Variants in PSMG2 observed in about 807,000 individuals in gnomAD.
PSMG2 encodes the protein CD40 ligand-activated specific transcript 3.
PSMG2 carries 21 observed loss-of-function variants against 31.5 expected under a neutral mutation model. That is an observed-to-expected ratio of 0.67 (90% CI 0.47 to 0.96). The LOEUF (loss-of-function observed/expected upper bound fraction) is 0.96. Among genes scored for constraint, PSMG2 ranks in the 40% least tolerant of loss-of-function variants. The pLI, the probability that PSMG2 is intolerant of heterozygous loss-of-function variation, is 0.00. For synonymous variants in PSMG2, 120 were observed against 110.4 expected, an observed-to-expected ratio of 1.09 and a Z score of -0.54; for missense variants, 318 against 321.2, an observed-to-expected ratio of 0.99 and a Z score of 0.08.
rs1197150712 is a variant in PSMG2 at position 12,706,571 on chromosome 18, G to A, written c.79G>A (p.Val27Ile). The A allele has an allele frequency of 2.5e-6, 4 of 1,613,974 alleles. No individual in the cohort carries two copies. Among genetic ancestry groups the A allele is most frequent in the Non-Finnish European group, 3.4e-6 (4 of 1,179,998 alleles). Residue 27 changes from valine (V) to isoleucine (I), a missense_variant, in exon 2 of 7, where the codon GTT (valine) becomes ATT (isoleucine). Coordinates refer to ENST00000317615, the MANE Select transcript of PSMG2 (RefSeq NM_020232.5). ...TCAGCCAGCAGTATCTGTTGGAAAT[G>A]TTGGCCAGCTTGCAATGGATCTGAT... ...LLMPAVSVGN[V>I]GQLAMDLIIS...
At chr18:12,717,338 T>C (rs564585002) in intron 3 of PSMG2, among the ~76,000 whole-genome samples, 1 of 152,296 alleles carries the variant, frequency 6.6e-6, no homozygotes, top group African/African-American at 2.4e-5. Context: ...TTAAATTTTA[T>C]TGAGTAGTTA....
intron 1 of PSMG2, among the ~76,000 whole-genome samples, chr18:12,687,377 C>T (rs1462983959): frequency 6.6e-6 from 1 of 151,578 alleles, no homozygotes; most frequent in Non-Finnish European, 1.5e-5. Flanking sequence ...TGAGAAAGAT[C>T]ATTAATTTTT....
At chr18:12,667,302 TAA>T (rs2038822483) in intron 1 of PSMG2, among the ~76,000 whole-genome samples, 1 of 152,062 alleles carries the variant, frequency 6.6e-6, no homozygotes, top group South Asian at 2.1e-4. Flanking sequence ...AAAAAAATTT[TAA>T]AAGTTAGCTG....
rs749896011 is a variant in PSMG2, at chr18:12,720,498, G to T, written c.408-12G>T. 7 of 1,558,442 alleles carry T rather than the reference G, an allele frequency of 4.5e-6. No homozygotes were observed. In the Admixed American group the frequency reaches 8.4e-5, roughly 19 times the overall value. On this transcript the variant is annotated splice_polypyrimidine_tract_variant and intron_variant, in intron 4 of 6. Transcript: ENST00000317615. ...AGAGTTTTTAAAAAGTTAACTATATGATTATTTCTAGTACTCCCTTCCGGT... is the reference window on the plus strand; with the variant it reads ...AGAGTTTTTAAAAAGTTAACTATATTATTATTTCTAGTACTCCCTTCCGGT...
At chr18:12,673,709 G>A (rs1318059316) in intron 1 of PSMG2, among the ~76,000 whole-genome samples, 3 of 151,854 alleles carry the variant, frequency 2.0e-5, no homozygotes, top group East Asian at 3.9e-4. Flanking sequence ...GTGAAACCCC[G>A]CCTCTACTAA....
intron 1 of PSMG2, among the ~76,000 whole-genome samples, chr18:12,692,523 C>T (rs2039805547): frequency 6.6e-6 from 1 of 151,462 alleles, no homozygotes; most frequent in African/African-American, 2.4e-5. Context: ...AAGCTCAGCC[C>T]CAATCTTTGC....
Position 12,725,430 on chromosome 18 carries a change from C to A in PSMG2, c.703-9C>A. The A allele has an allele frequency of 6.5e-7, 1 of 1,549,780 alleles. No individual in the cohort carries two copies. Among genetic ancestry groups the A allele is most frequent in the Non-Finnish European group, 8.9e-7 (1 of 1,128,894 alleles). On this transcript the variant is annotated splice_polypyrimidine_tract_variant and intron_variant, in intron 6 of 6. Transcript: ENST00000317615. ...TTAAAGATTAAAATATTTTGTTCTT[C>A]AATTACAGAGCGATGACCCCACAGT...
chr18:12,724,495 G>C lies in PSMG2; in HGVS notation c.582-4G>C, dbSNP rs762638670. On this transcript the variant is annotated splice_region_variant and splice_polypyrimidine_tract_variant and intron_variant, in intron 5 of 6. Transcript: ENST00000317615. Reference sequence around the variant, plus strand: ...ATACTGATTCTTATTTTTATTTCTTGTAGCTGTTCTAAAGAAATCCAAATG... The same window carrying C: ...ATACTGATTCTTATTTTTATTTCTTCTAGCTGTTCTAAAGAAATCCAAATG... 6.3e-7 allele frequency: 1 copy of C among 1,592,326 alleles called. No homozygotes were observed. Among genetic ancestry groups the C allele is most frequent in the South Asian group, 1.1e-5 (1 of 87,304 alleles).
intron 5 of PSMG2, among the ~76,000 whole-genome samples, chr18:12,722,997 G>A (rs971143971): frequency 1.4e-4 from 22 of 152,378 alleles, no homozygotes; most frequent in Middle Eastern, 3.4e-3. Context: ...TCCATACAAA[G>A]ATTGAGAGCC....
chr18:12,673,111 T>C, intron 1 of PSMG2: 1 of 1,051,172 alleles, frequency 9.5e-7, no homozygotes, highest in African/African-American at 1.7e-5. Context: ...GTAAACAAAG[T>C]AGCATTTATT....
intron 1 of PSMG2, chr18:12,695,111 A>G: frequency 2.3e-6 from 1 of 443,874 alleles, no homozygotes; most frequent in Non-Finnish European, 4.1e-6. Context: ...TTTCTTCCTC[A>G]TCCTTTTTGT....
intron 6 of PSMG2, among the ~76,000 whole-genome samples, chr18:12,725,218 T>C (rs1265284074): frequency 6.6e-6 from 1 of 152,186 alleles, no homozygotes; most frequent in Non-Finnish European, 1.5e-5. Context: ...CCTAATAAAC[T>C]TCATCTACAG....
chr18:12,672,994 A>C lies in PSMG2; in HGVS notation c.-37+14221A>C, dbSNP rs1031146596. 4.0e-6 allele frequency: 4 copies of C among 992,500 alleles called. No individual in the cohort carries two copies. In the African/African-American group the frequency reaches 7.0e-5, roughly 17 times the overall value. 61.5% of individuals were successfully genotyped at this position (992,500 alleles called of 1,614,324 possible). On this transcript the variant is annotated intron_variant, in intron 1 of 6. Transcript: ENST00000585331. ...TTAACCTGTGAAAAGTAATGATCATACTGATTTGTCTAGGGCTCAAACCCT... is the reference window on the plus strand; with the variant it reads ...TTAACCTGTGAAAAGTAATGATCATCCTGATTTGTCTAGGGCTCAAACCCT...
chr18:12,697,182 T>C lies in PSMG2; in HGVS notation c.-36-9368T>C, dbSNP rs201209891. ...ATAAAATATATTTACAAATGAACTG[T>C]GGCTATAAAAAGGTTAACAATGATA... On this transcript the variant is annotated intron_variant, in intron 1 of 6. Coordinates refer to the PSMG2 transcript ENST00000585331. 1.7e-5 allele frequency: 22 copies of C among 1,271,698 alleles called. No individual in the cohort carries two copies. In the East Asian group the frequency reaches 5.3e-4, roughly 31 times the overall value. The allele number at this position is 1,271,698 out of a possible 1,614,324, so 78.8% of individuals were successfully genotyped here.
At chr18:12,668,597 C>CAAAAAAAAAAAAAAAAAAAAAA (rs752216074) in intron 1 of PSMG2, among the ~76,000 whole-genome samples, 4 of 72,836 alleles carry the variant, frequency 5.5e-5, no homozygotes, top group Admixed American at 2.3e-4. Context: ...GATTCCATCT[C>CAAAAAAAAAAAAAAAAAAAAAA]AAAAAAAAAA....
chr18:12,721,427 T>G (rs951491810), intron 5 of PSMG2, among the ~76,000 whole-genome samples: 1 of 152,220 alleles, frequency 6.6e-6, no homozygotes, highest in African/African-American at 2.4e-5. Flanking sequence ...TAACTATATT[T>G]AAGCGTACAA....
At position 12,678,619 on chromosome 18, in the gene PSMG2, G is replaced by A. The variant is rs958356818; in HGVS notation, c.-37+19846G>A. 4.0e-5 allele frequency among the ~76,000 whole-genome samples: 6 copies of A among 151,804 alleles called. No homozygotes were observed. The East Asian group carries it at 5.8e-4, about 15-fold the overall frequency. On this transcript the variant is annotated intron_variant, in intron 1 of 6. Transcript: ENST00000585331. ...TTACTCTGTATTAATTGTATGGTAC[G>A]TCTTTACAATATTGAAACCAACTCT...
intron 1 of PSMG2, chr18:12,673,569 G>A: frequency 2.3e-6 from 3 of 1,302,602 alleles, no homozygotes; most frequent in Non-Finnish European, 2.1e-6. Flanking sequence ...TTATTTGCAA[G>A]TAAATCAGTA....
At chr18:12,724,706 A>C (rs2040459556) in intron 6 of PSMG2, 87 bp downstream of exon 6, 2 of 1,263,308 alleles carry the variant, frequency 1.6e-6, no homozygotes, top group Non-Finnish European at 1.0e-6. Flanking sequence ...AGACCAAGTA[A>C]GTGAACGTTT....
Sources: allele counts gnomAD v4.1 joint callset (sites outside exome capture counted in the v4.1 genomes callset), GRCh38; gene constraint gnomAD v4.1.1; transcripts MANE v1.5; gene names NCBI Gene and HGNC (gene_info 2026-07-23, HGNC 2026-07-21).